TNPO3: variants seen among roughly 807,000 people sequenced by gnomAD.
TNPO3 encodes the protein transportin-3.
Under a neutral mutation model 122.8 loss-of-function variants are expected in TNPO3, and 65 were observed. That is an observed-to-expected ratio of 0.53 (90% CI 0.43 to 0.65). The LOEUF is 0.65. Among genes scored for constraint, TNPO3 ranks in the 30% least tolerant of loss-of-function variants. The probability of loss-of-function intolerance (pLI) is 0.00; values close to 1 mark genes in which losing one functional copy is unlikely to be tolerated. For missense variants in TNPO3, 850 were observed against 1,136.7 expected (o/e 0.75, Z 3.63); for synonymous variants, 372 against 411.2 (o/e 0.90, Z 1.15).
At chr7:129,043,351 G>C (rs1282401359) in intron 1 of TNPO3, among the ~76,000 whole-genome samples, 1 of 152,174 alleles carries the variant, frequency 6.6e-6, no homozygotes, top group Non-Finnish European at 1.5e-5. Context: ...GTTACAGTGA[G>C]CTGTGATCCT....
Position 129,017,005 on chromosome 7 carries a change from A to G in TNPO3, c.373T>C (p.Cys125Arg), listed in dbSNP as rs1201750469. 1 of 1,613,236 alleles carries G rather than the reference A, an allele frequency of 6.2e-7. No homozygotes were observed. The stretch of plus-strand genomic sequence containing the variant: ...TACTTTTCCACCAGTGTTTGCACAC[A>G]TCCCTTCCAGGAAGGCATCTGTAGG... Reference protein sequence around the residue: ...LALQMPSWKGCVQTLVEKYSN... With the variant: ...LALQMPSWKGRVQTLVEKYSN... Residue 125 changes from cysteine (C) to arginine (R), a missense_variant, in exon 3 of 23, where the codon TGT becomes CGT. Physicochemically the swap from Cys to Arg is radical, Grantham distance 180 (BLOSUM62 -3). Coordinates refer to ENST00000265388, the MANE Select transcript of TNPO3 (RefSeq NM_012470.4).
intron 1 of TNPO3, among the ~76,000 whole-genome samples, chr7:129,031,224 G>A (rs1444711990): frequency 2.0e-5 from 3 of 151,848 alleles, no homozygotes; most frequent in East Asian, 1.9e-4. Context: ...GCTTGAACCC[G>A]GGAGGCAGAG....
rs181059183 is a variant in TNPO3, at chr7:129,048,499, C to T, written c.120+6152G>A. On this transcript the variant is annotated intron_variant, in intron 1 of 22. Transcript: ENST00000265388. Reference sequence around the variant, plus strand: ...GAGCCAAGATGGTGCCACTGCACTCCGGCCTGGGCAACAGAGTGAGACTCT... The same window carrying T: ...GAGCCAAGATGGTGCCACTGCACTCTGGCCTGGGCAACAGAGTGAGACTCT... 8.8e-4 allele frequency among the ~76,000 whole-genome samples: 134 copies of T among 152,218 alleles called. 2 individuals are homozygous for T. The East Asian group carries it at 0.02, about 23-fold the overall frequency.
chr7:128,973,729 C>A (rs1798730767), intron 18 of TNPO3, among the ~76,000 whole-genome samples: 1 of 67,338 alleles, frequency 1.5e-5, no homozygotes, highest in Non-Finnish European at 2.7e-5. Flanking sequence ...GAGCGAGACT[C>A]CGTCTCAAAA....
In TNPO3 at chr7:128,978,950, T is replaced by C. The variant is rs201911542; in HGVS notation, c.2061+33A>G. 21 of 1,611,458 alleles carry C rather than the reference T, an allele frequency of 1.3e-5. No homozygotes were observed. In the African/African-American group the frequency reaches 2.7e-4, roughly 21 times the overall value. ...CCCTGCCTATTTCAAATTCTGTACATGGAACACGTCCCCCCGCAACAGATA... is the reference window on the plus strand; with the variant it reads ...CCCTGCCTATTTCAAATTCTGTACACGGAACACGTCCCCCCGCAACAGATA... On this transcript the variant is annotated intron_variant, in intron 16 of 22. Transcript: ENST00000265388.
At chr7:128,964,586 C>T (rs1263774818) in intron 21 of TNPO3, among the ~76,000 whole-genome samples, 1 of 152,106 alleles carries the variant, frequency 6.6e-6, no homozygotes, top group Non-Finnish European at 1.5e-5. Context: ...CTGCCTGCCT[C>T]GGCCTCCCAA....
At chr7:128,958,466 G>C (rs899376968) in intron 21 of TNPO3, among the ~76,000 whole-genome samples, 2 of 152,076 alleles carry the variant, frequency 1.3e-5, no homozygotes, top group African/African-American at 4.8e-5. Context: ...TAATATGCTT[G>C]CCTTCCTGTA....
intron 20 of TNPO3, among the ~76,000 whole-genome samples, chr7:128,969,594 G>C (rs1157530083): frequency 6.6e-6 from 1 of 151,960 alleles, no homozygotes; most frequent in African/African-American, 2.4e-5. Context: ...GCCCAGTACT[G>C]AAATTACTTG....
intron 20 of TNPO3, among the ~76,000 whole-genome samples, chr7:128,968,706 A>G (rs6953869): frequency 0.49 from 74,219 of 151,842 alleles, 18,343 homozygotes; most frequent in African/African-American, 0.51. Context: ...AATAGTTGTT[A>G]TATAGCAAAC....
intron 1 of TNPO3, among the ~76,000 whole-genome samples, chr7:129,026,188 C>A (rs943262978): frequency 1.3e-5 from 2 of 151,308 alleles, no homozygotes; most frequent in African/African-American, 4.9e-5. Flanking sequence ...CCATATCATT[C>A]TCAATTATCT....
At chr7:129,051,240 T>C (rs1239132625) in intron 1 of TNPO3, among the ~76,000 whole-genome samples, 1 of 151,868 alleles carries the variant, frequency 6.6e-6, no homozygotes, top group Non-Finnish European at 1.5e-5. Flanking sequence ...TAAAACTACA[T>C]AAAGATTTCA....
chr7:129,053,115 G>A (rs924074543), intron 1 of TNPO3, among the ~76,000 whole-genome samples: 4 of 151,998 alleles, frequency 2.6e-5, no homozygotes, highest in African/African-American at 9.7e-5. Context: ...ACCTGAGGTC[G>A]GAGTTAGAGA....
chr7:128,994,638 A>G (rs1052029410), intron 8 of TNPO3, among the ~76,000 whole-genome samples: 11 of 152,006 alleles, frequency 7.2e-5, no homozygotes, highest in African/African-American at 2.7e-4. Context: ...CACTGTCACA[A>G]TAACTTCACA....
chr7:128,955,153 C>T lies in TNPO3; in HGVS notation c.*264G>A, dbSNP rs1348429864. The T allele has an allele frequency of 6.6e-6, 2 of 304,332 alleles. No individual in the cohort carries two copies. The highest frequency in any genetic ancestry group is 1.3e-5 in the Non-Finnish European group (2 of 154,774). The allele number at this position is 304,332 out of a possible 1,614,324, so 18.9% of individuals were successfully genotyped here. A position where few individuals can be genotyped will look rare whatever the true frequency, so the allele number is the denominator to read the frequency against. ...TAGAAAGTTCACCAGGAAACCAGCTCCCCTCCCACCACGCCGGGCAGGCCA... is the reference window on the plus strand; with the variant it reads ...TAGAAAGTTCACCAGGAAACCAGCTTCCCTCCCACCACGCCGGGCAGGCCA... On this transcript the variant is annotated 3_prime_UTR_variant, in exon 23 of 23. Coordinates refer to ENST00000265388, the MANE Select transcript of TNPO3 (RefSeq NM_012470.4).
chr7:128,999,024 T>C (rs1170357467), intron 7 of TNPO3, among the ~76,000 whole-genome samples: 3 of 152,104 alleles, frequency 2.0e-5, no homozygotes, highest in Non-Finnish European at 4.4e-5. Context: ...AGCTAATTTT[T>C]GTATTTTTAG....
chr7:129,016,960 T>C (rs905727823), intron 3 of TNPO3, 23 bp downstream of exon 3: 3 of 1,609,840 alleles, frequency 1.9e-6, no homozygotes, highest in Non-Finnish European at 2.5e-6. Context: ...AATGCTAATA[T>C]AGAGTCAATA....
chr7:128,980,726 C>A (rs1799543704), intron 14 of TNPO3, among the ~76,000 whole-genome samples: 1 of 152,098 alleles, frequency 6.6e-6, no homozygotes, highest in Non-Finnish European at 1.5e-5. Flanking sequence ...ACAACAACAA[C>A]AACAACAACA....
At chr7:128,979,904 G>T in intron 15 of TNPO3, 67 bp downstream of exon 15, 1 of 1,438,166 alleles carries the variant, frequency 7.0e-7, no homozygotes, top group Admixed American at 1.7e-5. Flanking sequence ...TCTCAGGTGA[G>T]TTACCCAAAG....
At chr7:128,977,559 T>G (rs559871507) in intron 16 of TNPO3, among the ~76,000 whole-genome samples, 1 of 152,050 alleles carries the variant, frequency 6.6e-6, no homozygotes, top group Non-Finnish European at 1.5e-5. Flanking sequence ...GCACCTATGA[T>G]GCAGAATTTA....
Sources: allele counts gnomAD v4.1 joint callset (sites outside exome capture counted in the v4.1 genomes callset), GRCh38; gene constraint gnomAD v4.1.1; transcripts MANE v1.5; gene names NCBI Gene and HGNC (gene_info 2026-07-23, HGNC 2026-07-21).